The following CLDN14 variants were observed in gnomAD, a reference collection of about 807,000 sequenced individuals.
CLDN14 encodes the protein claudin-14.
CLDN14 carries 2 observed loss-of-function variants against 2.1 expected under a neutral mutation model. The ratio of observed to expected loss-of-function variants is 0.96; its 90% CI spans 0.39 to 3.01. The LOEUF is 3.01. Among genes scored for constraint, CLDN14 ranks in the 30% most tolerant of loss-of-function variants. The probability of loss-of-function intolerance (pLI) is 0.09; values close to 1 mark genes in which losing one functional copy is unlikely to be tolerated. For synonymous variants in CLDN14, 136 were observed against 154.4 expected, an observed-to-expected ratio of 0.88 and a Z score of 0.88; for missense variants, 298 against 328.0, an observed-to-expected ratio of 0.91 and a Z score of 0.71.
intron 1 of CLDN14, among the ~76,000 whole-genome samples, chr21:36,465,464 C>T (rs1033547212): frequency 2.6e-5 from 4 of 152,228 alleles, no homozygotes; most frequent in African/African-American, 9.6e-5. Context: ...CTCCCAGACA[C>T]AAGCTCCCCA....
chr21:36,521,943 T>C lies in CLDN14; in HGVS notation c.-219-11443A>G, dbSNP rs76148201. ...TGTTTTATACAAGAAGGCCAGAGGC[T>C]GATATCATGACCTTAGGTTTTAGAA... On this transcript the variant is annotated intron_variant, in intron 1 of 2. Coordinates refer to the CLDN14 transcript ENST00000342108. Among the ~76,000 whole-genome samples, 967 of 152,334 alleles carry C rather than the reference T, an allele frequency of 6.3e-3. 7 individuals carry two copies. The highest frequency in any genetic ancestry group is 0.011 in the Non-Finnish European group (750 of 68,032).
In CLDN14 at chr21:36,551,187, C is replaced by A. The variant is rs1451074877; in HGVS notation, c.-220+25224G>T. ...ACTTCCTGTTCCCAGACCTGTGAGA[C>A]AATAAATCTCTTGTACTTTGTTACA... On this transcript the variant is annotated intron_variant, in intron 1 of 2. Coordinates refer to the CLDN14 transcript ENST00000342108. The surrounding 1 kb of genome is among the most constrained non-coding windows in gnomAD (Gnocchi z 4.8). Among the ~76,000 whole-genome samples, 1 of 152,202 alleles carries A rather than the reference C, an allele frequency of 6.6e-6. No homozygotes were observed. The highest frequency in any genetic ancestry group is 1.5e-5 in the Non-Finnish European group (1 of 68,038).
chr21:36,549,739 G>A (rs1318675915), intron 1 of CLDN14, among the ~76,000 whole-genome samples: 1 of 152,202 alleles, frequency 6.6e-6, no homozygotes, highest in Non-Finnish European at 1.5e-5. Context: ...AGTGAGACAA[G>A]GGTGGACATC....
rs1419632345 is a variant in CLDN14, at chr21:36,544,220, G to A, written c.-220+32191C>T. Among the ~76,000 whole-genome samples, 1 of 152,172 alleles carries A rather than the reference G, an allele frequency of 6.6e-6. No homozygotes were observed. On this transcript the variant is annotated intron_variant, in intron 1 of 2. Transcript: ENST00000342108. This position sits in a 1 kb window ranked among gnomAD's most constrained non-coding sequence, Gnocchi z 4.1. Reference sequence around the variant, plus strand: ...TACACCTTGGGCAGGTCCTTGCCCTGGGCCCCCTCTGCTGCCATCCATCCC... The same window carrying A: ...TACACCTTGGGCAGGTCCTTGCCCTAGGCCCCCTCTGCTGCCATCCATCCC...
rs866409662 is a variant in CLDN14 at position 36,559,635 on chromosome 21, A to G, written c.-220+16776T>C. ...AGTGCAAACTTAAAAACAAGAACAA[A>G]CAAAGCTTTTCATCAAGGATAAACA... On this transcript the variant is annotated intron_variant, in intron 1 of 2. Coordinates refer to the CLDN14 transcript ENST00000342108. Among the ~76,000 whole-genome samples, 21 of 152,254 alleles carry G rather than the reference A, an allele frequency of 1.4e-4. 1 individual carries two copies. The highest frequency in any genetic ancestry group is 8.3e-4 in the South Asian group (4 of 4,832).
chr21:36,543,965 A>G (rs1196175284), intron 1 of CLDN14, among the ~76,000 whole-genome samples: 1 of 152,238 alleles, frequency 6.6e-6, no homozygotes, highest in African/African-American at 2.4e-5. Context: ...CTTAGCAAAG[A>G]AACTGAGTCA....
chr21:36,529,143 A>G (rs1057339571), intron 1 of CLDN14, among the ~76,000 whole-genome samples: 1 of 152,242 alleles, frequency 6.6e-6, no homozygotes, highest in African/African-American at 2.4e-5. Context: ...GAAAGGATGT[A>G]TCTTTTGGTA....
At chr21:36,548,796 T>G (rs1320772183) in intron 1 of CLDN14, among the ~76,000 whole-genome samples, 3 of 152,116 alleles carry the variant, frequency 2.0e-5, no homozygotes, top group African/African-American at 4.8e-5. Context: ...CAGGGTGATC[T>G]GGGGAGAATG....
At chr21:36,463,952 A>T (rs1381206923) in intron 1 of CLDN14, among the ~76,000 whole-genome samples, 2 of 152,198 alleles carry the variant, frequency 1.3e-5, no homozygotes, top group Admixed American at 6.5e-5. Context: ...GTGGTGCCTC[A>T]CAGGACACGG....
intron 1 of CLDN14, among the ~76,000 whole-genome samples, chr21:36,574,354 C>A (rs979070858): frequency 1.9e-4 from 29 of 152,236 alleles, no homozygotes; most frequent in South Asian, 8.3e-4. Context: ...CTTATTCATA[C>A]AATGGAATAC....
intron 2 of CLDN14, among the ~76,000 whole-genome samples, chr21:36,502,421 G>T (rs1253177441): frequency 6.6e-6 from 1 of 152,164 alleles, no homozygotes; most frequent in African/African-American, 2.4e-5. Flanking sequence ...TATGCTTAGG[G>T]GTCAGTCCTG....
In CLDN14 at chr21:36,502,105, A is replaced by C. The variant is rs533808399; in HGVS notation, c.-82+8258T>G. Among the ~76,000 whole-genome samples, 103 of 152,184 alleles carry C rather than the reference A, an allele frequency of 6.8e-4. 3 individuals carry two copies. The highest frequency in any genetic ancestry group is 1.9e-3 in the Admixed American group (29 of 15,276). On this transcript the variant is annotated intron_variant, in intron 2 of 2. Transcript: ENST00000342108. ...TAACACACCACAATGAGCCAAAAGC[A>C]GTCACAGGGAACCATCATGAGGAGT...
At chr21:36,552,966 GC>G (rs2087573078) in intron 1 of CLDN14, among the ~76,000 whole-genome samples, 1 of 152,192 alleles carries the variant, frequency 6.6e-6, no homozygotes, top group African/African-American at 2.4e-5. Context: ...GGGTGCAGAG[GC>G]CCCTCCTCAA....
chr21:36,529,075 A>T (rs2087358772), intron 1 of CLDN14, among the ~76,000 whole-genome samples: 1 of 152,224 alleles, frequency 6.6e-6, no homozygotes, highest in African/African-American at 2.4e-5. Flanking sequence ...CTTCTTCCTC[A>T]CTAGAATTAC....
chr21:36,554,297 C>T (rs1294990064), intron 1 of CLDN14, among the ~76,000 whole-genome samples: 1 of 152,228 alleles, frequency 6.6e-6, no homozygotes, highest in Non-Finnish European at 1.5e-5. Context: ...CTCATTCATT[C>T]CTTCAAGGAA....
chr21:36,496,712 GGGGAGGA>G (rs2087021959), intron 2 of CLDN14, among the ~76,000 whole-genome samples: 2 of 44,198 alleles, frequency 4.5e-5, no homozygotes, highest in Non-Finnish European at 8.3e-5. Context: ...GAAGGGAGGA[GGGGAGGA>G]AGGGAGGGAG....
At chr21:36,548,360 C>T (rs1433103605) in intron 1 of CLDN14, among the ~76,000 whole-genome samples, 2 of 152,186 alleles carry the variant, frequency 1.3e-5, no homozygotes, top group African/African-American at 4.8e-5. Flanking sequence ...TTGGTTTGCC[C>T]GTCCCAGAGC....
chr21:36,461,667 C>A lies in CLDN14; in HGVS notation c.29G>T (p.Gly10Val). Reference protein sequence around the residue: MASTAVQLLGFLLSFLGMVG... With the variant: MASTAVQLLVFLLSFLGMVG... ...CATGCCCAGGAAGCTGAGCAGGAAG[C>A]CCAGAAGCTGCACGGCCGTGCTGGC... Residue 10 changes from glycine (G) to valine (V), a missense_variant, in exon 2 of 2, where the codon GGC becomes GTC. Gly to Val is a moderately radical substitution (Grantham distance 109, BLOSUM62 -3). Coordinates refer to ENST00000399135, the MANE Select transcript of CLDN14 (RefSeq NM_001146079.2). The A allele has an allele frequency of 6.4e-7, 1 of 1,559,948 alleles. No individual in the cohort carries two copies. The highest frequency in any genetic ancestry group is 1.2e-5 in the South Asian group (1 of 85,102).
chr21:36,547,455 C>G (rs1358689992), intron 1 of CLDN14, among the ~76,000 whole-genome samples: 1 of 151,990 alleles, frequency 6.6e-6, no homozygotes, highest in Non-Finnish European at 1.5e-5. Context: ...GTAAAGAGAC[C>G]AAAAAGAACC....
Sources: gnomAD v4.1 joint callset for allele counts (sites outside exome capture counted in the v4.1 genomes callset) on GRCh38, gnomAD v4.1.1 for gene constraint, Gnocchi (gnomAD v3.1) non-coding constraint, MANE v1.5 for transcripts, NCBI Gene and HGNC (gene_info 2026-07-23, HGNC 2026-07-21) for gene names.